KIF6: variants seen among roughly 807,000 people sequenced by gnomAD.
KIF6 encodes the protein kinesin family member 6.
Under a neutral mutation model 112.7 loss-of-function variants are expected in KIF6, and 106 were observed. That is an observed-to-expected ratio of 0.94 (90% confidence interval 0.80 to 1.11). KIF6 has a LOEUF of 1.11. Ranked by LOEUF, KIF6 falls within the 50% of genes least tolerant of loss-of-function variation. The pLI, the probability that KIF6 is intolerant of heterozygous loss-of-function variation, is 0.00. For missense variants in KIF6, 929 were observed against 964.0 expected, an observed-to-expected ratio of 0.96 and a Z score of 0.48; for synonymous variants, 339 against 339.9, an observed-to-expected ratio of 1.00 and a Z score of 0.03.
rs1779958190 is a variant in KIF6 at position 39,560,581 on chromosome 6, T to C, written c.1182-14893A>G. Among the ~76,000 whole-genome samples, 3 of 152,322 alleles carry C rather than the reference T, an allele frequency of 2.0e-5. No individual in the cohort carries two copies. The South Asian group carries it at 6.2e-4, about 32-fold the overall frequency. On this transcript the variant is annotated intron_variant, in intron 10 of 22. Coordinates refer to ENST00000287152, the MANE Select transcript of KIF6 (RefSeq NM_145027.6). ...CTTGATTCACGAGTCTGCACATCCC[T>C]GTTCTTCCCAGTCAAAAGTAATTTC...
At chr6:39,617,918 AG>A (rs1259551593) in intron 5 of KIF6, among the ~76,000 whole-genome samples, 11 of 152,336 alleles carry the variant, frequency 7.2e-5, no homozygotes, top group African/African-American at 2.6e-4. Context: ...CTTGTTTGTC[AG>A]TTCTCAATAT....
rs16891937 is a variant in KIF6 at position 39,330,674 on chromosome 6, T to C, written c.*5858A>G. On this transcript the variant is annotated 3_prime_UTR_variant, in exon 23 of 23. Transcript: ENST00000287152. Reference sequence around the variant, plus strand: ...AGTTCCCTCTCAGTGTGGGTGAAACTGGCTCAGCCCTGCTGGCTGGCACGA... The same window carrying C: ...AGTTCCCTCTCAGTGTGGGTGAAACCGGCTCAGCCCTGCTGGCTGGCACGA... The C allele has an allele frequency of 0.11, 17,053 of 152,182 alleles. 1,026 individuals are homozygous for C. Among genetic ancestry groups the C allele is most frequent in the Middle Eastern group, 0.25 (74 of 294 alleles). 9.4% of individuals were successfully genotyped at this position (152,182 alleles called of 1,614,324 possible). A position where few individuals can be genotyped will look rare whatever the true frequency, so the allele number is the denominator to read the frequency against.
chr6:39,362,084 G>C (rs1046802452), intron 17 of KIF6, among the ~76,000 whole-genome samples: 1 of 152,146 alleles, frequency 6.6e-6, no homozygotes, highest in Non-Finnish European at 1.5e-5. Flanking sequence ...AAATGCCTGC[G>C]GCTGCGTGAG....
intron 15 of KIF6, among the ~76,000 whole-genome samples, chr6:39,414,747 A>G (rs1443220124): frequency 3.9e-5 from 6 of 152,222 alleles, no homozygotes; most frequent in Non-Finnish European, 7.3e-5. Flanking sequence ...CTGAATAACA[A>G]CTGAGAGAAA....
intron 13 of KIF6, among the ~76,000 whole-genome samples, chr6:39,495,598 T>G (rs1436904841): frequency 6.6e-6 from 1 of 152,078 alleles, no homozygotes; most frequent in Admixed American, 6.5e-5. Context: ...ATAAAAGAGG[T>G]GGGGTGGTGC....
chr6:39,723,643 A>T (rs1790354982), intron 1 of KIF6, among the ~76,000 whole-genome samples: 1 of 152,176 alleles, frequency 6.6e-6, no homozygotes, highest in Admixed American at 6.5e-5. Context: ...CTAAAACAAG[A>T]ACAGAAAGCC....
At chr6:39,442,918 C>T (rs183936494) in intron 13 of KIF6, among the ~76,000 whole-genome samples, 3 of 151,916 alleles carry the variant, frequency 2.0e-5, no homozygotes, top group Admixed American at 2.0e-4. Context: ...TTGAGACCAT[C>T]CTGGCTAACA....
chr6:39,388,573 C>T (rs1465203815), intron 15 of KIF6, among the ~76,000 whole-genome samples: 1 of 152,160 alleles, frequency 6.6e-6, no homozygotes, highest in East Asian at 1.9e-4. Context: ...CCAAAAATAG[C>T]CTTATGGCTG....
chr6:39,426,861 G>A (rs544908590), intron 14 of KIF6, among the ~76,000 whole-genome samples: 1 of 152,298 alleles, frequency 6.6e-6, no homozygotes, highest in Admixed American at 6.5e-5. Context: ...AGAGTCAGAA[G>A]AGATTGTGGG....
At chr6:39,593,688 C>T (rs1401233159) in intron 7 of KIF6, among the ~76,000 whole-genome samples, 1 of 152,110 alleles carries the variant, frequency 6.6e-6, no homozygotes, top group South Asian at 2.1e-4. Context: ...GCAAATTCAT[C>T]CCCCTGGGCT....
At chr6:39,611,632 T>C (rs1490054138) in intron 6 of KIF6, among the ~76,000 whole-genome samples, 1 of 152,228 alleles carries the variant, frequency 6.6e-6, no homozygotes, top group East Asian at 1.9e-4. Flanking sequence ...AACAGGCTCC[T>C]CTACTTGTTT....
At chr6:39,471,802 T>C (rs951628997) in intron 13 of KIF6, among the ~76,000 whole-genome samples, 5 of 152,156 alleles carry the variant, frequency 3.3e-5, no homozygotes, top group Non-Finnish European at 5.9e-5. Context: ...AGCATCTAGA[T>C]AGAGATGATA....
chr6:39,499,417 C>A lies in KIF6; in HGVS notation c.1645+40586G>T, dbSNP rs547580034. On this transcript the variant is annotated intron_variant, in intron 13 of 22. Transcript: ENST00000287152. ...CCAAAAATATGAAGATAAGAAAGAGCAAAATAGTTAGCCCAAGCCTGGGGA... is the reference window on the plus strand; with the variant it reads ...CCAAAAATATGAAGATAAGAAAGAGAAAAATAGTTAGCCCAAGCCTGGGGA... 5.3e-5 allele frequency among the ~76,000 whole-genome samples: 8 copies of A among 151,892 alleles called. No homozygotes were observed. In the South Asian group the frequency reaches 1.5e-3, roughly 28 times the overall value.
intron 3 of KIF6, among the ~76,000 whole-genome samples, chr6:39,653,407 A>T (rs1785586349): frequency 6.6e-6 from 1 of 152,238 alleles, no homozygotes; most frequent in Non-Finnish European, 1.5e-5. Context: ...AGAAAACAGA[A>T]AAGAATTACT....
At chr6:39,604,086 C>G (rs1477024402) in intron 6 of KIF6, among the ~76,000 whole-genome samples, 1 of 147,960 alleles carries the variant, frequency 6.8e-6, no homozygotes, top group Non-Finnish European at 1.5e-5. Flanking sequence ...CACTTCAGTT[C>G]TCCTTGTCTG....
rs912163095 is a variant in KIF6 at position 39,346,065 on chromosome 6, T to G, written c.2232-276A>C. On this transcript the variant is annotated intron_variant, in intron 20 of 22. Coordinates refer to ENST00000287152, the MANE Select transcript of KIF6 (RefSeq NM_145027.6). ...AACTACAGTGCTCTCTCTCTCTCTC[T>G]CTCTCTCTCTCTCTCTCTCTCCCCC... 2.8e-4 allele frequency among the ~76,000 whole-genome samples: 5 copies of G among 18,114 alleles called. No individual in the cohort carries two copies. In the African/African-American group the frequency reaches 2.9e-3, roughly 10 times the overall value. 11.9% of individuals were successfully genotyped at this position (18,114 alleles called of 152,430 possible).
chr6:39,553,194 A>G (rs1406533955), intron 10 of KIF6, among the ~76,000 whole-genome samples: 1 of 152,166 alleles, frequency 6.6e-6, no homozygotes, highest in Non-Finnish European at 1.5e-5. Context: ...CAAGGAATTG[A>G]GTTCAATGTC....
In KIF6 at chr6:39,655,555, CTATT is replaced by C. The variant is rs906798021; in HGVS notation, c.252-15802_252-15799del. Among the ~76,000 whole-genome samples, 4 of 152,156 alleles carry C rather than the reference CTATT, an allele frequency of 2.6e-5. No individual in the cohort carries two copies. The East Asian group carries it at 5.8e-4, about 22-fold the overall frequency. On this transcript the variant is annotated intron_variant, in intron 3 of 22. Transcript: ENST00000287152. ...ATAAATGTGTTTTCTGCATTTCCCTCTATTTATTGTTTTCTTAATTATTTAACTT... is the reference window on the plus strand; with the variant it reads ...ATAAATGTGTTTTCTGCATTTCCCTCTATTGTTTTCTTAATTATTTAACTT...
intron 3 of KIF6, among the ~76,000 whole-genome samples, chr6:39,682,183 T>C (rs1164953190): frequency 2.0e-5 from 3 of 152,204 alleles, no homozygotes; most frequent in Non-Finnish European, 2.9e-5. Context: ...ATAAGTACTG[T>C]TATGCATCGC....
Sources: gnomAD v4.1 joint callset for allele counts (sites outside exome capture counted in the v4.1 genomes callset) on GRCh38, gnomAD v4.1.1 for gene constraint, MANE v1.5 for transcripts, NCBI Gene and HGNC (gene_info 2026-07-23, HGNC 2026-07-21) for gene names.